Variants in TP63 observed in about 807,000 individuals in gnomAD.
TP63 encodes the protein tumor protein p63.
Under a neutral mutation model 82.8 loss-of-function variants are expected in TP63, and 17 were observed. The observed-to-expected ratio is 0.21, with a 90% CI of 0.14 to 0.31. TP63 has a LOEUF of 0.31. Among genes scored for constraint, TP63 ranks in the 10% least tolerant of loss-of-function variants. The probability of loss-of-function intolerance (pLI) is 1.00; values close to 1 mark genes in which losing one functional copy is unlikely to be tolerated. For missense variants in TP63, 648 were observed against 895.3 expected, an observed-to-expected ratio of 0.72 and a Z score of 3.52; for synonymous variants, 330 against 321.7, an observed-to-expected ratio of 1.03 and a Z score of -0.28.
intron 1 of TP63, among the ~76,000 whole-genome samples, chr3:189,701,561 A>G (rs1359634820): frequency 1.4e-5 from 2 of 147,738 alleles, no homozygotes; most frequent in Non-Finnish European, 3.0e-5. Flanking sequence ...TTTTATATAT[A>G]TGTTATATAT....
At chr3:189,767,244 T>C (rs1723021963) in intron 3 of TP63, among the ~76,000 whole-genome samples, 1 of 152,144 alleles carries the variant, frequency 6.6e-6, no homozygotes, top group East Asian at 1.9e-4. Flanking sequence ...TCCTTTTTTA[T>C]TTTATTTGAA....
intron 4 of TP63, among the ~76,000 whole-genome samples, chr3:189,823,848 G>A (rs187802485): frequency 7.8e-4 from 118 of 152,176 alleles, no homozygotes; most frequent in Non-Finnish European, 1.4e-3. Flanking sequence ...GATAGACTTC[G>A]GATAGAGGCA....
intron 1 of TP63, among the ~76,000 whole-genome samples, chr3:189,725,100 T>C (rs1019710886): frequency 6.6e-6 from 1 of 152,186 alleles, no homozygotes; most frequent in Non-Finnish European, 1.5e-5. Context: ...TTATACCTCA[T>C]TGTGAAAAAA....
chr3:189,730,937 G>T (rs1002495748), intron 1 of TP63, among the ~76,000 whole-genome samples: 1 of 152,196 alleles, frequency 6.6e-6, no homozygotes, highest in African/African-American at 2.4e-5. Context: ...CTTTAAGTTT[G>T]CATGCTCCAA....
chr3:189,881,460 G>A, intron 10 of TP63: 1 of 985,314 alleles, frequency 1.0e-6, no homozygotes, highest in Non-Finnish European at 1.2e-6. Flanking sequence ...GTGGATGTGT[G>A]ATTTTAATTT....
chr3:189,674,864 C>T (rs1715251196), intron 1 of TP63, among the ~76,000 whole-genome samples: 1 of 152,098 alleles, frequency 6.6e-6, no homozygotes, highest in African/African-American at 2.4e-5. Flanking sequence ...AACTAGAAGA[C>T]CCTATGTAGC....
In TP63 at chr3:189,872,867, C is replaced by A. The variant is rs1403400799; in HGVS notation, c.1221C>A (p.Gly407=). 1 of 1,614,094 alleles carries A rather than the reference C, an allele frequency of 6.2e-7. No individual in the cohort carries two copies. The part of the protein sequence containing the change: ...DDELLYLPVR[G]RETYEMLLKI... ...TCTGCTCACTTCCATAGGTGAGGGGCCGTGAGACTTATGAAATGCTGTTGA... is the reference window on the plus strand; with the variant it reads ...TCTGCTCACTTCCATAGGTGAGGGGACGTGAGACTTATGAAATGCTGTTGA... The change falls in exon 10 of 14, where the codon GGC becomes GGA. Residue 407 remains glycine, a synonymous_variant. Transcript: ENST00000264731.
At chr3:189,769,397 T>A (rs1203504554) in intron 3 of TP63, among the ~76,000 whole-genome samples, 1 of 152,184 alleles carries the variant, frequency 6.6e-6, no homozygotes, top group Admixed American at 6.5e-5. Context: ...AAAACACTAT[T>A]ACAGATGTTC....
chr3:189,598,515 A>G, the TP63 span, among the ~76,000 whole-genome samples: 1 of 152,246 alleles, frequency 6.6e-6, no homozygotes, highest in Non-Finnish European at 1.5e-5. Flanking sequence ...AAGTCAAAGA[A>G]AAATATTTAA....
At chr3:189,838,585 C>G (rs537197381) in intron 4 of TP63, among the ~76,000 whole-genome samples, 2 of 152,018 alleles carry the variant, frequency 1.3e-5, no homozygotes, top group Non-Finnish European at 2.9e-5. Context: ...CCAAGCACCC[C>G]CTACACCTAC....
rs1216214145 is a variant in TP63 at position 189,665,299 on chromosome 3, CAT to C, written c.62+33723_62+33724del. Among the ~76,000 whole-genome samples, 5 of 152,202 alleles carry C rather than the reference CAT, an allele frequency of 3.3e-5. No homozygotes were observed. The East Asian group carries it at 5.8e-4, about 18-fold the overall frequency. On this transcript the variant is annotated intron_variant, in intron 1 of 13. Transcript: ENST00000264731. ...TTATCTCAGATATCCAGTTGTTAAA[CAT>C]GTGTCAGCATGCCACTGAGAATAGA...
chr3:189,878,572 T>C (rs1386426171), intron 10 of TP63, among the ~76,000 whole-genome samples: 1 of 142,868 alleles, frequency 7.0e-6, no homozygotes, highest in Non-Finnish European at 1.5e-5. Context: ...TATTTTGATA[T>C]ATATATATAA....
intron 1 of TP63, among the ~76,000 whole-genome samples, chr3:189,728,590 T>C (rs537722554): frequency 4.6e-5 from 7 of 152,290 alleles, no homozygotes; most frequent in African/African-American, 1.7e-4. Flanking sequence ...TAGTTTGCTT[T>C]CATGCTGCTA....
chr3:189,693,697 T>C (rs1309247892), intron 1 of TP63, among the ~76,000 whole-genome samples: 1 of 152,150 alleles, frequency 6.6e-6, no homozygotes, highest in African/African-American at 2.4e-5. Context: ...TATAGTAAAA[T>C]GGAAAGCAGT....
chr3:189,829,406 A>G (rs1272751211), intron 4 of TP63, among the ~76,000 whole-genome samples: 1 of 152,238 alleles, frequency 6.6e-6, no homozygotes, highest in Admixed American at 6.5e-5. Context: ...TTAGCATCCA[A>G]CTATCAATTC....
At chr3:189,869,522 G>A in intron 9 of TP63, 116 bp downstream of exon 9, 1 of 918,482 alleles carries the variant, frequency 1.1e-6, no homozygotes, top group Non-Finnish European at 1.7e-6. Context: ...GTCTTAGTCA[G>A]TTGAAGCTGC....
chr3:189,722,320 G>A (rs1471632989), intron 1 of TP63, among the ~76,000 whole-genome samples: 1 of 152,228 alleles, frequency 6.6e-6, no homozygotes, highest in African/African-American at 2.4e-5. Context: ...TGGCAGGTAA[G>A]GAAAAATAAT....
intron 1 of TP63, 56 bp from the exon 2 acceptor site, chr3:189,737,684 A>G: frequency 6.3e-7 from 1 of 1,578,016 alleles, no homozygotes; most frequent in African/African-American, 1.3e-5. Flanking sequence ...TAATTTAAAT[A>G]TTCAGTGTCA....
At chr3:189,776,346 C>T (rs1183476879) in intron 3 of TP63, among the ~76,000 whole-genome samples, 4 of 152,128 alleles carry the variant, frequency 2.6e-5, no homozygotes, top group Non-Finnish European at 4.4e-5. Flanking sequence ...GGAGACAGAG[C>T]GCTTCCTCCT....
Sources: allele counts gnomAD v4.1 joint callset (sites outside exome capture counted in the v4.1 genomes callset), GRCh38; gene constraint gnomAD v4.1.1; transcripts MANE v1.5; gene names NCBI Gene and HGNC (gene_info 2026-07-23, HGNC 2026-07-21).